The following ASTN2 variants were observed in gnomAD, a reference collection of about 807,000 sequenced individuals.
ASTN2 encodes astrotactin-2.
In ASTN2, 54 loss-of-function variants were observed where a neutral mutation model predicts 139.8. The observed-to-expected ratio is 0.39, with a 90% CI of 0.31 to 0.48. ASTN2 has a LOEUF of 0.48. Ranked by LOEUF, ASTN2 falls within the 20% of genes least tolerant of loss-of-function variation. The pLI is 0.95. For missense variants in ASTN2, 1,565 were observed against 1,725.1 expected (o/e 0.91, Z 1.64); for synonymous variants, 756 against 719.5 (o/e 1.05, Z -0.81).
At chr9:116,544,064 A>T (rs1851989796) in intron 19 of ASTN2, among the ~76,000 whole-genome samples, 2 of 152,174 alleles carry the variant, frequency 1.3e-5, no homozygotes, top group Non-Finnish European at 2.9e-5. Context: ...TCCCTGCAGA[A>T]ACACTTGGGA....
chr9:116,690,448 T>A (rs1057180424), intron 16 of ASTN2, among the ~76,000 whole-genome samples: 2 of 152,224 alleles, frequency 1.3e-5, no homozygotes, highest in African/African-American at 4.8e-5. Flanking sequence ...TCAGAGCCCC[T>A]ATGTTTATGT....
intron 2 of ASTN2, among the ~76,000 whole-genome samples, chr9:117,250,376 A>G (rs191770228): frequency 1.5e-3 from 234 of 152,376 alleles, no homozygotes; most frequent in African/African-American, 4.9e-3. Flanking sequence ...CCTATAAAGT[A>G]GTTTATACAT....
intron 10 of ASTN2, among the ~76,000 whole-genome samples, chr9:116,972,709 A>G (rs963175487): frequency 6.6e-6 from 1 of 152,166 alleles, no homozygotes; most frequent in Non-Finnish European, 1.5e-5. Flanking sequence ...TGTACATTTA[A>G]CTACTAAGTT....
chr9:116,818,493 GTTTTTTGTT>G (rs1169897464), intron 12 of ASTN2, among the ~76,000 whole-genome samples: 1 of 152,032 alleles, frequency 6.6e-6, no homozygotes, highest in East Asian at 1.9e-4. Context: ...CCTGGGTTTT[GTTTTTTGTT>G]TTTTTTGTTT....
In ASTN2 at chr9:116,829,345, T is replaced by C. The variant is rs531953035; in HGVS notation, c.2041-8562A>G. On this transcript the variant is annotated intron_variant, in intron 11 of 22. Coordinates refer to ENST00000313400, the MANE Select transcript of ASTN2 (RefSeq NM_001365068.1). ...TGGAATAGAATGGAGAACCCAGAAA[T>C]AAAGCCACATACCTACAACCAAATG... Among the ~76,000 whole-genome samples, 3 of 150,404 alleles carry C rather than the reference T, an allele frequency of 2.0e-5. No homozygotes were observed. In the East Asian group the frequency reaches 5.9e-4, roughly 29 times the overall value.
intron 3 of ASTN2, among the ~76,000 whole-genome samples, chr9:117,188,874 C>T (rs1831274362): frequency 6.6e-6 from 1 of 152,130 alleles, no homozygotes; most frequent in African/African-American, 2.4e-5. Flanking sequence ...TATCTATTTG[C>T]AGGCAGGTCG....
intron 10 of ASTN2, among the ~76,000 whole-genome samples, chr9:116,866,026 C>G (rs1034281125): frequency 6.6e-6 from 1 of 152,204 alleles, no homozygotes; most frequent in African/African-American, 2.4e-5. Flanking sequence ...GAAACCTTCT[C>G]TGTTAATTCC....
At chr9:117,183,217 T>G (rs1385691301) in intron 3 of ASTN2, among the ~76,000 whole-genome samples, 1 of 152,178 alleles carries the variant, frequency 6.6e-6, no homozygotes, top group African/African-American at 2.4e-5. Flanking sequence ...CATTAGAGGA[T>G]AGCATCTCTG....
At chr9:116,952,773 A>C (rs1490942490) in intron 10 of ASTN2, among the ~76,000 whole-genome samples, 1 of 152,228 alleles carries the variant, frequency 6.6e-6, no homozygotes, top group Non-Finnish European at 1.5e-5. Flanking sequence ...CTAGCCGAGC[A>C]ATCGCCGTTG....
intron 1 of ASTN2, among the ~76,000 whole-genome samples, chr9:117,401,130 A>C (rs559475108): frequency 1.3e-5 from 2 of 152,188 alleles, no homozygotes; most frequent in Non-Finnish European, 2.9e-5. Flanking sequence ...CTAATAAAAA[A>C]CAGAACAACC....
chr9:116,842,522 G>C (rs1193514804), intron 11 of ASTN2, among the ~76,000 whole-genome samples: 1 of 151,784 alleles, frequency 6.6e-6, no homozygotes, highest in Non-Finnish European at 1.5e-5. Context: ...ATATAAGTGA[G>C]TGGGAAAGGC....
intron 1 of ASTN2, among the ~76,000 whole-genome samples, chr9:117,341,331 G>A (rs576891936): frequency 3.0e-4 from 46 of 152,178 alleles, no homozygotes; most frequent in African/African-American, 9.4e-4. Flanking sequence ...ATCTGCCAAA[G>A]CATTTTTACA....
chr9:116,905,766 A>G (rs1293328127), intron 10 of ASTN2, among the ~76,000 whole-genome samples: 3 of 148,130 alleles, frequency 2.0e-5, no homozygotes, highest in Non-Finnish European at 4.5e-5. Flanking sequence ...TCCTTGGAAG[A>G]GTGGGTGGCT....
At chr9:116,583,592 A>C (rs1020192789) in intron 19 of ASTN2, 1 of 152,082 alleles carries the variant, frequency 6.6e-6, no homozygotes. Context: ...AAAAAAAAAA[A>C]AGTTTTCAGA....
chr9:117,154,555 T>C (rs1318563916), intron 3 of ASTN2, among the ~76,000 whole-genome samples: 2 of 152,208 alleles, frequency 1.3e-5, no homozygotes, highest in East Asian at 3.9e-4. Flanking sequence ...TCTTAAAGCA[T>C]TTGGTAAGCT....
chr9:117,204,919 CCTGCTG>C, intron 3 of ASTN2, among the ~76,000 whole-genome samples: 1 of 1,180 alleles, frequency 8.5e-4, no homozygotes, highest in Non-Finnish European at 7.9e-3. Flanking sequence ...GATGTTTTGG[CCTGCTG>C]GTATTACTGC....
At chr9:116,433,365 T>C (rs141851508) in intron 22 of ASTN2, among the ~76,000 whole-genome samples, 8 of 152,302 alleles carry the variant, frequency 5.3e-5, no homozygotes, top group Admixed American at 3.3e-4. Flanking sequence ...ATAGTAGAGA[T>C]GAAAGAGCTG....
intron 19 of ASTN2, among the ~76,000 whole-genome samples, chr9:116,496,207 C>T (rs182638564): frequency 2.6e-5 from 4 of 152,082 alleles, no homozygotes; most frequent in African/African-American, 9.7e-5. Flanking sequence ...GTATCCCCTG[C>T]TGTAAACCCT....
rs1470732843 is a variant in ASTN2, at chr9:116,721,382, T to G, written c.2806+4389A>C. Among the ~76,000 whole-genome samples the G allele has an allele frequency of 4.6e-5, 7 of 152,292 alleles. No homozygotes were observed. In the South Asian group the frequency reaches 1.4e-3, roughly 32 times the overall value. ...AACCCTCATCATGATATAAAGCTCA[T>G]GTATCATGATCACAGCTAGGGAGAA... is the stretch of plus-strand genomic sequence containing the variant. On this transcript the variant is annotated intron_variant, in intron 16 of 22. Transcript: ENST00000313400.
Sources: allele counts gnomAD v4.1 joint callset (sites outside exome capture counted in the v4.1 genomes callset), GRCh38; gene constraint gnomAD v4.1.1; transcripts MANE v1.5; gene names NCBI Gene and HGNC (gene_info 2026-07-23, HGNC 2026-07-21).